MALRD1: variants seen among roughly 807,000 people sequenced by gnomAD.
MALRD1 encodes the protein MAM and LDL receptor class A domain containing 1.
A neutral mutation model predicts 242.1 loss-of-function variants in MALRD1; 247 were observed. That is an observed-to-expected ratio of 1.02 (90% CI 0.92 to 1.13). The LOEUF is 1.13. Ranked by LOEUF, MALRD1 falls within the 50% of genes most tolerant of loss-of-function variation. MALRD1 has a pLI of 0.00. For missense variants in MALRD1, 2,989 were observed against 2,533.1 expected, an observed-to-expected ratio of 1.18 and a Z score of -3.86; for synonymous variants, 995 against 866.6, an observed-to-expected ratio of 1.15 and a Z score of -2.60.
chr10:19,641,706 T>C (rs529729985), intron 36 of MALRD1, among the ~76,000 whole-genome samples: 2 of 152,316 alleles, frequency 1.3e-5, no homozygotes, highest in South Asian at 4.1e-4. Flanking sequence ...TATAATATAA[T>C]GTGAGCTTGC....
intron 29 of MALRD1, among the ~76,000 whole-genome samples, chr10:19,474,769 A>G (rs1437097862): frequency 6.6e-6 from 1 of 152,188 alleles, no homozygotes. Context: ...AACATTTCCT[A>G]TAAATCAAGA....
intron 32 of MALRD1, among the ~76,000 whole-genome samples, chr10:19,563,565 A>G (rs916341129): frequency 5.9e-5 from 9 of 152,180 alleles, no homozygotes; most frequent in African/African-American, 1.9e-4. Flanking sequence ...TAAGCTACAT[A>G]CCTAGTGAAA....
At chr10:19,062,848 A>G (rs903224816) in intron 1 of MALRD1, among the ~76,000 whole-genome samples, 1 of 152,066 alleles carries the variant, frequency 6.6e-6, no homozygotes, top group African/African-American at 2.4e-5. Context: ...ACTGAATACC[A>G]CAGAACTACA....
chr10:19,078,761 ATATTTG>A (rs1263793933), intron 2 of MALRD1, among the ~76,000 whole-genome samples: 1 of 151,594 alleles, frequency 6.6e-6, no homozygotes, highest in Non-Finnish European at 1.5e-5. Context: ...GTCTTTCTGG[ATATTTG>A]TCCATCTCTT....
intron 28 of MALRD1, among the ~76,000 whole-genome samples, chr10:19,441,523 T>C (rs528809830): frequency 3.4e-4 from 52 of 152,310 alleles, no homozygotes; most frequent in African/African-American, 1.2e-3. Flanking sequence ...TCGTATAAGG[T>C]GTGAGGAAGG....
At chr10:19,447,810 G>A (rs1485275808) in intron 28 of MALRD1, among the ~76,000 whole-genome samples, 2 of 152,030 alleles carry the variant, frequency 1.3e-5, no homozygotes, top group African/African-American at 2.4e-5. Flanking sequence ...ATCACTGAGA[G>A]TCAAAGACTA....
chr10:19,554,133 T>A (rs1405470545), intron 32 of MALRD1, among the ~76,000 whole-genome samples: 1 of 152,194 alleles, frequency 6.6e-6, no homozygotes, highest in Admixed American at 6.5e-5. Context: ...AACAAAGTTG[T>A]ATTAGTCCAC....
intron 25 of MALRD1, among the ~76,000 whole-genome samples, chr10:19,351,196 A>G (rs6481882): frequency 0.78 from 119,090 of 152,042 alleles, 47,184 homozygotes; most frequent in African/African-American, 0.9. Context: ...GAACAATTTC[A>G]TCACTGTTTT....
chr10:19,227,141 A>G (rs1837833731), intron 18 of MALRD1, among the ~76,000 whole-genome samples: 1 of 151,976 alleles, frequency 6.6e-6, no homozygotes, highest in South Asian at 2.1e-4. Flanking sequence ...GAGAAATTAC[A>G]AAGCTGATTC....
chr10:19,435,516 C>G (rs1239959226), intron 28 of MALRD1, among the ~76,000 whole-genome samples: 2 of 152,062 alleles, frequency 1.3e-5, no homozygotes, highest in Non-Finnish European at 2.9e-5. Context: ...TTAAGGCATA[C>G]TGATCAGGTA....
chr10:19,488,939 C>T (rs1837349111), intron 29 of MALRD1: 2 of 409,684 alleles, frequency 4.9e-6, no homozygotes, highest in African/African-American at 2.1e-5. Flanking sequence ...TATTAAGATC[C>T]CGTGTACTGA....
chr10:19,559,324 A>C (rs975593672), intron 32 of MALRD1, among the ~76,000 whole-genome samples: 1 of 151,892 alleles, frequency 6.6e-6, no homozygotes, highest in Non-Finnish European at 1.5e-5. Flanking sequence ...ACTTGGCTAG[A>C]GGTTTAGCAA....
At chr10:19,095,739 G>C (rs1836004211) in intron 4 of MALRD1, among the ~76,000 whole-genome samples, 2 of 152,168 alleles carry the variant, frequency 1.3e-5, no homozygotes, top group Admixed American at 1.3e-4. Context: ...TTAATTTGCT[G>C]TGGATGCTCA....
intron 21 of MALRD1, among the ~76,000 whole-genome samples, chr10:19,284,220 T>G (rs1468161608): frequency 2.0e-5 from 3 of 152,018 alleles, no homozygotes; most frequent in Non-Finnish European, 2.9e-5. Context: ...TTTCTAGTGT[T>G]GTAAGCATGT....
intron 38 of MALRD1, among the ~76,000 whole-genome samples, chr10:19,719,472 G>C (rs1049790482): frequency 3.3e-5 from 5 of 151,704 alleles, no homozygotes; most frequent in African/African-American, 1.2e-4. Flanking sequence ...CCATTAAAAT[G>C]CTCTGCCACA....
At position 19,104,092 on chromosome 10, in the gene MALRD1, T is replaced by A; in HGVS notation, c.694+17T>A. On this transcript the variant is annotated intron_variant, in intron 5 of 39. Coordinates refer to ENST00000454679, the MANE Select transcript of MALRD1 (RefSeq NM_001142308.3). ...CTGCCAATGGTAAGAACTTTTTCTC[T>A]CATTTTGATCTTTACTGTGTTTAAA... 1 of 1,186,660 alleles carries A rather than the reference T, an allele frequency of 8.4e-7. No homozygotes were observed. Among genetic ancestry groups the A allele is most frequent in the Non-Finnish European group, 1.1e-6 (1 of 945,282 alleles). The allele number at this position is 1,186,660 out of a possible 1,614,324, so 73.5% of individuals were successfully genotyped here.
Position 19,163,137 on chromosome 10 carries a change from T to TGAAAAAA in MALRD1, c.1657-2500_1657-2499insGAAAAAA, listed in dbSNP as rs1491309752. Among the ~76,000 whole-genome samples the TGAAAAAA allele has an allele frequency of 1.5e-3, 64 of 43,848 alleles. 4 individuals carry two copies. Among genetic ancestry groups the TGAAAAAA allele is most frequent in the Admixed American group, 5.9e-3 (17 of 2,860 alleles). 28.8% of individuals were successfully genotyped at this position (43,848 alleles called of 152,430 possible). On this transcript the variant is annotated intron_variant, in intron 12 of 39. Transcript: ENST00000454679. ...TGAACAACTGGAGTGAAACCCTGTC[T>TGAAAAAA]AAAAAAAAAAAAAAAAAAAAAAAAA... is the stretch of plus-strand genomic sequence containing the variant.
chr10:19,247,296 T>A (rs374421849), intron 18 of MALRD1, among the ~76,000 whole-genome samples: 17 of 152,174 alleles, frequency 1.1e-4, no homozygotes, highest in East Asian at 9.7e-4. Flanking sequence ...AAAAATTAAA[T>A]TACTTCATTA....
At chr10:19,311,390 T>C (rs1178070276) in intron 21 of MALRD1, among the ~76,000 whole-genome samples, 1 of 151,474 alleles carries the variant, frequency 6.6e-6, no homozygotes, top group Non-Finnish European at 1.5e-5. Context: ...TTAAAGTAAA[T>C]ATCTAAATTT....
Sources: gnomAD v4.1 joint callset for allele counts (sites outside exome capture counted in the v4.1 genomes callset) on GRCh38, gnomAD v4.1.1 for gene constraint, MANE v1.5 for transcripts, NCBI Gene and HGNC (gene_info 2026-07-23, HGNC 2026-07-21) for gene names.